The following ASPRV1 variants were observed in gnomAD, a reference collection of about 807,000 sequenced individuals.
ASPRV1 encodes the protein aspartic peptidase retroviral like 1, also known as retroviral-like aspartic protease 1.
A neutral mutation model predicts 11.0 loss-of-function variants in ASPRV1; 7 were observed. That is an observed-to-expected ratio of 0.64 (90% CI 0.36 to 1.20). ASPRV1 has a LOEUF of 1.20. Ranked by LOEUF, ASPRV1 falls within the 50% of genes most tolerant of loss-of-function variation. ASPRV1 has a pLI of 0.02. For missense variants in ASPRV1, 299 were observed against 320.0 expected (o/e 0.93, Z 0.50); for synonymous variants, 136 against 138.4 (o/e 0.98, Z 0.12).
At chr2:70,024,088 TAA>T in the ASPRV1 span, among the ~76,000 whole-genome samples, 130 of 124,000 alleles carry the variant, frequency 1.0e-3, no homozygotes, top group African/African-American at 2.7e-3. Flanking sequence ...CCGTCACTAT[TAA>T]AAAAAAAAAA....
chr2:70,037,224 A>C, the ASPRV1 span, among the ~76,000 whole-genome samples: 2 of 152,150 alleles, frequency 1.3e-5, no homozygotes, highest in Non-Finnish European at 2.9e-5. Context: ...ATGATAGGTA[A>C]CCTTCCAATT....
the ASPRV1 span, among the ~76,000 whole-genome samples, chr2:69,953,880 T>A: frequency 1.3e-5 from 2 of 151,568 alleles, no homozygotes; most frequent in Non-Finnish European, 2.9e-5. Flanking sequence ...GCTAATTTTT[T>A]TTTTTTTTTT....
the ASPRV1 span, chr2:70,050,518 C>T: frequency 6.6e-6 from 1 of 151,650 alleles, no homozygotes; most frequent in South Asian, 2.1e-4. Flanking sequence ...TTTCTGACTA[C>T]CTAAAAATGT....
the ASPRV1 span, among the ~76,000 whole-genome samples, chr2:69,999,045 C>T: frequency 6.6e-6 from 1 of 152,228 alleles, no homozygotes; most frequent in Non-Finnish European, 1.5e-5. Flanking sequence ...AGTGAGTTAA[C>T]TCCTTAACTT....
chr2:70,010,561 A>C, the ASPRV1 span, among the ~76,000 whole-genome samples: 2 of 152,194 alleles, frequency 1.3e-5, no homozygotes, highest in Admixed American at 6.5e-5. Context: ...TTTCATGATA[A>C]GGAATTTGGA....
upstream of ASPRV1, chr2:69,961,739 C>A (rs1558581700): frequency 6.6e-7 from 1 of 1,508,558 alleles, no homozygotes; most frequent in Non-Finnish European, 8.9e-7. Context: ...CTCCTGCCAG[C>A]ATCCGGCCGG....
the ASPRV1 span, among the ~76,000 whole-genome samples, chr2:70,041,855 CAGA>C: frequency 6.6e-6 from 1 of 152,152 alleles, no homozygotes; most frequent in Non-Finnish European, 1.5e-5. Context: ...AGAAAGAATG[CAGA>C]ATTCTTCCTT....
chr2:69,950,621 C>T, the ASPRV1 span, among the ~76,000 whole-genome samples: 1 of 152,018 alleles, frequency 6.6e-6, no homozygotes, highest in Non-Finnish European at 1.5e-5. Flanking sequence ...GCGGGTGGAT[C>T]ACTTGAGGTC....
the ASPRV1 span, among the ~76,000 whole-genome samples, chr2:70,065,844 AG>A: frequency 3.8e-4 from 46 of 122,286 alleles, no homozygotes; most frequent in South Asian, 8.7e-4. Context: ...AAAAAAAAAA[AG>A]AAAGAAAAAG....
chr2:69,966,533 C>T (rs572167204), upstream of ASPRV1, among the ~76,000 whole-genome samples: 1 of 152,258 alleles, frequency 6.6e-6, no homozygotes, highest in Non-Finnish European at 1.5e-5. Flanking sequence ...TAACACAGGT[C>T]TCCAGACAGC....
At chr2:69,985,584 A>T in the ASPRV1 span, among the ~76,000 whole-genome samples, 3 of 152,214 alleles carry the variant, frequency 2.0e-5, no homozygotes, top group African/African-American at 4.8e-5. Flanking sequence ...CAGCCCTGTT[A>T]TGGGCTCAGC....
the ASPRV1 span, among the ~76,000 whole-genome samples, chr2:70,025,844 C>CTGGTCAATT: frequency 6.6e-6 from 1 of 152,178 alleles, no homozygotes; most frequent in Non-Finnish European, 1.5e-5. Context: ...CAGGCATGTC[C>CTGGTCAATT]AAATGCATTA....
chr2:69,980,955 T>G, the ASPRV1 span, among the ~76,000 whole-genome samples: 1 of 152,120 alleles, frequency 6.6e-6, no homozygotes, highest in African/African-American at 2.4e-5. Flanking sequence ...TTTGTATTTT[T>G]GGTAGAGATG....
chr2:70,054,502 G>A, the ASPRV1 span, among the ~76,000 whole-genome samples: 2 of 145,592 alleles, frequency 1.4e-5, no homozygotes, highest in Non-Finnish European at 3.0e-5. Context: ...GTGTGAACCC[G>A]GGAGGCGGAG....
the ASPRV1 span, among the ~76,000 whole-genome samples, chr2:70,004,017 T>C: frequency 6.6e-6 from 1 of 152,190 alleles, no homozygotes; most frequent in African/African-American, 2.4e-5. Context: ...GTCTGTGGTA[T>C]TCTGTAATAG....
chr2:70,066,375 A>G, the ASPRV1 span, among the ~76,000 whole-genome samples: 11 of 151,680 alleles, frequency 7.3e-5, no homozygotes, highest in African/African-American at 2.7e-4. Flanking sequence ...AGTAGCTGGG[A>G]TTACAGGTGC....
At chr2:69,973,716 T>C in the ASPRV1 span, among the ~76,000 whole-genome samples, 1 of 152,280 alleles carries the variant, frequency 6.6e-6, no homozygotes, top group Non-Finnish European at 1.5e-5. Context: ...TTTTGAATAC[T>C]GGAAGAATAT....
chr2:69,937,007 T>C, the ASPRV1 span: 70 of 650,968 alleles, frequency 1.1e-4, 2 homozygotes, highest in South Asian at 1.0e-3. Flanking sequence ...ACCCCCAGAA[T>C]CCCTGTGACA....
the ASPRV1 span, among the ~76,000 whole-genome samples, chr2:70,084,395 A>G: frequency 6.6e-6 from 1 of 152,174 alleles, no homozygotes; most frequent in Non-Finnish European, 1.5e-5. Context: ...CTCTGCAGAG[A>G]CCACATCCAG....
Sources: allele counts gnomAD v4.1 joint callset (sites outside exome capture counted in the v4.1 genomes callset), GRCh38; gene constraint gnomAD v4.1.1; transcripts MANE v1.5; gene names NCBI Gene and HGNC (gene_info 2026-07-23, HGNC 2026-07-21).